ESRRG: variants seen among roughly 807,000 people sequenced by gnomAD.
ESRRG encodes estrogen-related receptor gamma.
A neutral mutation model predicts 44.0 loss-of-function variants in ESRRG; 13 were observed. That is an observed-to-expected ratio of 0.30 (90% CI 0.19 to 0.47). The LOEUF (loss-of-function observed/expected upper bound fraction) is 0.47, where lower values mean the gene tolerates loss of function less well. ESRRG is among the 20% of genes least tolerant of loss of function. The pLI is 1.00. For missense variants in ESRRG, 395 were observed against 580.6 expected (o/e 0.68, Z 3.29); for synonymous variants, 215 against 214.6 (o/e 1.00, Z -0.02).
chr1:216,507,270 A>G, intron 6 of ESRRG, 87 bp from the exon 7 acceptor site: 1 of 923,936 alleles, frequency 1.1e-6, no homozygotes, highest in Non-Finnish European at 1.6e-6. Context: ...TTATTAATTT[A>G]ATTATTTTTG....
chr1:217,084,834 C>A (rs569510447), intron 1 of ESRRG, among the ~76,000 whole-genome samples: 4 of 152,142 alleles, frequency 2.6e-5, no homozygotes, highest in Non-Finnish European at 4.4e-5. Flanking sequence ...ACACACTCAA[C>A]CTTTTTTGTG....
chr1:216,704,734 T>C (rs2082114495), intron 1 of ESRRG, among the ~76,000 whole-genome samples: 1 of 152,144 alleles, frequency 6.6e-6, no homozygotes, highest in Non-Finnish European at 1.5e-5. Context: ...TATATGTCTA[T>C]GTTAATCTAT....
intron 2 of ESRRG, among the ~76,000 whole-genome samples, chr1:216,740,860 G>A (rs2090594493): frequency 6.6e-6 from 1 of 151,302 alleles, no homozygotes; most frequent in African/African-American, 2.4e-5. Context: ...TTATTGGAGT[G>A]GCTTTGAATT....
intron 2 of ESRRG, among the ~76,000 whole-genome samples, chr1:216,926,151 G>C (rs995566052): frequency 6.6e-6 from 1 of 152,094 alleles, no homozygotes; most frequent in Non-Finnish European, 1.5e-5. Flanking sequence ...GGAGCACCTC[G>C]GGCACTTATT....
At chr1:217,054,289 T>C (rs564403829) in intron 1 of ESRRG, among the ~76,000 whole-genome samples, 1 of 152,282 alleles carries the variant, frequency 6.6e-6, no homozygotes, top group Non-Finnish European at 1.5e-5. Context: ...CTAAAGGTCA[T>C]ACTGGGGGGG....
chr1:216,716,738 A>C (rs2084959280), intron 1 of ESRRG, among the ~76,000 whole-genome samples: 1 of 151,918 alleles, frequency 6.6e-6, no homozygotes, highest in Non-Finnish European at 1.5e-5. Flanking sequence ...GGCTCCCTGT[A>C]AGTTTTGGCA....
chr1:216,587,643 G>A (rs972160875), intron 3 of ESRRG, among the ~76,000 whole-genome samples: 3 of 152,070 alleles, frequency 2.0e-5, no homozygotes, highest in African/African-American at 7.2e-5. Flanking sequence ...TCTTAGAAAA[G>A]CATTTATGCT....
rs567250593 is a variant in ESRRG, at chr1:217,136,186, G to T, written c.-230+1481C>A. Reference sequence around the variant, plus strand: ...GGAGGGTGGCTGTTGAAGACAGGGGGCGGAGGGCGATCCGGAGCCGGGTTT... The same window carrying T: ...GGAGGGTGGCTGTTGAAGACAGGGGTCGGAGGGCGATCCGGAGCCGGGTTT... On this transcript the variant is annotated intron_variant, in intron 1 of 8. Transcript: ENST00000366940. Among the ~76,000 whole-genome samples, 24 of 152,304 alleles carry T rather than the reference G, an allele frequency of 1.6e-4. 1 individual carries two copies. The South Asian group carries it at 4.8e-3, about 30-fold the overall frequency.
intron 1 of ESRRG, among the ~76,000 whole-genome samples, chr1:217,024,363 A>C (rs1446308091): frequency 6.6e-6 from 1 of 151,976 alleles, no homozygotes; most frequent in Non-Finnish European, 1.5e-5. Context: ...ATTTAAAAAA[A>C]AAAAAAAAAT....
At position 216,723,366 on chromosome 1, in the gene ESRRG, G is replaced by A. The variant is rs910371167; in HGVS notation, c.-67C>T. 8.2e-6 allele frequency: 12 copies of A among 1,457,192 alleles called. No homozygotes were observed. The highest frequency in any genetic ancestry group is 1.4e-5 in the African/African-American group (1 of 71,822). 90.3% of individuals were successfully genotyped at this position (1,457,192 alleles called of 1,614,324 possible). On this transcript the variant is annotated 5_prime_UTR_variant, in exon 1 of 7. Transcript: ENST00000408911. The stretch of plus-strand genomic sequence containing the variant: ...CAAAGTTTCCTTGACAGAGCACAGT[G>A]CAATTAACACAAATGTTCTCCTAGT...
At chr1:216,824,566 T>C (rs2095359542) in intron 2 of ESRRG, among the ~76,000 whole-genome samples, 1 of 151,960 alleles carries the variant, frequency 6.6e-6, no homozygotes, top group South Asian at 2.1e-4. Context: ...CTGCAGGGAA[T>C]AGCTTTTGAA....
chr1:216,916,571 G>A (rs746527598), intron 2 of ESRRG, among the ~76,000 whole-genome samples: 10 of 152,322 alleles, frequency 6.6e-5, no homozygotes, highest in East Asian at 3.9e-4. Context: ...CGCCAGGCAC[G>A]CGCAGCAAGA....
At chr1:216,755,886 C>T (rs1275648218) in intron 2 of ESRRG, among the ~76,000 whole-genome samples, 2 of 152,030 alleles carry the variant, frequency 1.3e-5, no homozygotes, top group Non-Finnish European at 2.9e-5. Context: ...ATAGTGAATA[C>T]TTTCCTCCTG....
intron 2 of ESRRG, among the ~76,000 whole-genome samples, chr1:216,655,188 T>A (rs1182327452): frequency 6.6e-6 from 1 of 152,198 alleles, no homozygotes; most frequent in African/African-American, 2.4e-5. Flanking sequence ...AACCTCTGTG[T>A]TATTCCTTGT....
chr1:216,728,599 A>G (rs2088046151), intron 2 of ESRRG, among the ~76,000 whole-genome samples: 3 of 152,078 alleles, frequency 2.0e-5, no homozygotes. Flanking sequence ...TACCAGTAAA[A>G]TGATCAAATT....
rs113506353 is a variant in ESRRG, at chr1:216,586,821, C to T, written c.590-18723G>A. Among the ~76,000 whole-genome samples the T allele has an allele frequency of 1.3e-3, 195 of 152,158 alleles. 1 individual carries two copies. The highest frequency in any genetic ancestry group is 4.5e-3 in the African/African-American group (186 of 41,508). ...CAAACTCGTGACCTCAAATGATCTG[C>T]CCACCTCGGCCTCCCAAAGTGCTGG... On this transcript the variant is annotated intron_variant, in intron 3 of 6. Transcript: ENST00000408911.
chr1:216,804,701 T>C (rs2094731416), intron 2 of ESRRG, among the ~76,000 whole-genome samples: 2 of 152,098 alleles, frequency 1.3e-5, no homozygotes, highest in Non-Finnish European at 2.9e-5. Context: ...TTGAAGTTCA[T>C]GCAAAAGGAT....
chr1:216,779,260 TAA>T (rs2093764781), intron 2 of ESRRG, among the ~76,000 whole-genome samples: 3 of 51,200 alleles, frequency 5.9e-5, no homozygotes, highest in Non-Finnish European at 9.8e-5. Flanking sequence ...TTTATAAATA[TAA>T]ATATATATTT....
chr1:216,605,604 G>A (rs534948528), intron 3 of ESRRG, among the ~76,000 whole-genome samples: 4 of 152,174 alleles, frequency 2.6e-5, no homozygotes, highest in African/African-American at 9.6e-5. Flanking sequence ...GATGATTGTT[G>A]TACTATAATT....
Sources: allele counts gnomAD v4.1 joint callset (sites outside exome capture counted in the v4.1 genomes callset), GRCh38; gene constraint gnomAD v4.1.1; transcripts MANE v1.5; gene names NCBI Gene and HGNC (gene_info 2026-07-23, HGNC 2026-07-21).